The following ROPN1 variants were observed in gnomAD, a reference collection of about 807,000 sequenced individuals.
The protein encoded by ROPN1 is rhophilin associated tail protein 1.
A neutral mutation model predicts 20.5 loss-of-function variants in ROPN1; 14 were observed. That is an observed-to-expected ratio of 0.68 (90% CI 0.45 to 1.07). The LOEUF is 1.07. Among genes scored for constraint, ROPN1 ranks in the 50% least tolerant of loss-of-function variants. The probability of loss-of-function intolerance (pLI) is 0.00; values close to 1 mark genes in which losing one functional copy is unlikely to be tolerated. For missense variants in ROPN1, 169 were observed against 242.8 expected, an observed-to-expected ratio of 0.70 and a Z score of 2.02; for synonymous variants, 76 against 95.7, an observed-to-expected ratio of 0.79 and a Z score of 1.20.
intron 1 of ROPN1, among the ~76,000 whole-genome samples, chr3:123,990,088 C>A (rs2038368597): frequency 6.6e-6 from 1 of 152,162 alleles, no homozygotes; most frequent in South Asian, 2.1e-4. Context: ...CGTTGACTGA[C>A]AGCTGTGTGG....
intron 1 of ROPN1, 54 bp downstream of exon 1, chr3:123,991,868 C>T (rs1232452166): frequency 3.3e-5 from 5 of 150,104 alleles, no homozygotes; most frequent in East Asian, 2.0e-4. Context: ...ACCAGCGCAG[C>T]CCTCGGGGCG....
intron 2 of ROPN1, among the ~76,000 whole-genome samples, chr3:123,977,468 A>G (rs1223304010): frequency 6.6e-6 from 1 of 152,176 alleles, no homozygotes; most frequent in African/African-American, 2.4e-5. Flanking sequence ...TAAGCCCAGG[A>G]GTTTGAGGCT....
rs2148996296 is a variant in ROPN1, at chr3:123,980,373, C to T, written c.109G>A (p.Ala37Thr). 1 of 1,614,170 alleles carries T rather than the reference C, an allele frequency of 6.2e-7. No homozygotes were observed. Among genetic ancestry groups the T allele is most frequent in the South Asian group, 1.1e-5 (1 of 91,088 alleles). ...RVQPQDLIQW[A>T]ADYFEALSRG... ...CGAGAAAGGAGCACGTACTCGGCTG[C>T]CCACTGGATGAGGTCCTGCGGCTGC... The change falls in exon 2 of 6, where the codon GCA becomes ACA. Residue 37 changes from alanine to threonine, a missense_variant. Physicochemically the swap from Ala to Thr is moderately conservative, Grantham distance 58 (BLOSUM62 0). This residue lies in a region of ROPN1 where 84 missense variants were observed against 99.3 expected (regional missense o/e 0.85). Transcript: ENST00000405845.
intron 1 of ROPN1, among the ~76,000 whole-genome samples, chr3:123,986,337 A>G (rs868277008): frequency 6.6e-5 from 10 of 152,150 alleles, no homozygotes; most frequent in Non-Finnish European, 1.3e-4. Context: ...AATGGTTTCC[A>G]AAGTCCTCAG....
At chr3:123,981,455 G>A (rs998493119) in intron 1 of ROPN1, 8 of 153,678 alleles carry the variant, frequency 5.2e-5, no homozygotes, top group African/African-American at 1.7e-4. Context: ...CCAAGGATTA[G>A]GCTCACAAAA....
chr3:123,978,896 A>C (rs1238627444), intron 2 of ROPN1: 1 of 155,568 alleles, frequency 6.4e-6, no homozygotes, highest in African/African-American at 2.4e-5. Context: ...CAAGCAGTCT[A>C]CAATAGTGGA....
At chr3:123,985,992 CAAAAAAAAAA>C (rs35677015) in intron 1 of ROPN1, among the ~76,000 whole-genome samples, 1 of 22,126 alleles carries the variant, frequency 4.5e-5, no homozygotes, top group African/African-American at 9.1e-5. Flanking sequence ...GACCTTGTCT[CAAAAAAAAAA>C]AAAAAAAAAA....
At position 123,980,319 on chromosome 3, in the gene ROPN1, G is replaced by C. The variant is rs775861046; in HGVS notation, c.116+47C>G. The C allele has an allele frequency of 1.2e-5, 19 of 1,595,516 alleles. No individual in the cohort carries two copies. In the Middle Eastern group the frequency reaches 5.0e-4, roughly 42 times the overall value. On this transcript the variant is annotated intron_variant, in intron 2 of 5. Transcript: ENST00000405845. ...CCTCCGCGGTTTTACAGGACCCTCT[G>C]TCTCCGGCCGTCCTCCAAGGGGTGA...
rs2038038643 is a variant in ROPN1 at position 123,976,993 on chromosome 3, A to T, written c.117-12T>A. 1.1e-5 allele frequency: 18 copies of T among 1,607,258 alleles called. No homozygotes were observed. Among genetic ancestry groups the T allele is most frequent in the Admixed American group, 5.1e-5 (3 of 58,776 alleles). On this transcript the variant is annotated splice_polypyrimidine_tract_variant and intron_variant, in intron 2 of 5. Coordinates refer to ENST00000405845, the MANE Select transcript of ROPN1 (RefSeq NM_001317774.2). ...GGGCCTCAAAATAACTACAAGAAAA[A>T]AAGTCAGAGAGTAGGAGGATCCTAT...
In ROPN1 at chr3:123,969,175, G is replaced by A. The variant is rs372440685; in HGVS notation, c.619C>T (p.Pro207Ser). 1.0e-4 allele frequency: 165 copies of A among 1,613,968 alleles called. No individual in the cohort carries two copies. In the Middle Eastern group the frequency reaches 2.0e-3, roughly 19 times the overall value. Residue 207 changes from proline (P) to serine (S), a missense_variant, in exon 6 of 6, where the codon CCC becomes TCC. Physicochemically the swap from Pro to Ser is moderately conservative, Grantham distance 74. Around this residue, in one of 3 missense-constraint regions of ROPN1, gnomAD observed 82 missense variants for 100.1 expected, o/e 0.82. Transcript: ENST00000405845. The part of the protein sequence containing the change: ...IITVNDFTQN[P>S]RVQLE ...TGCTTTTACTCCAGCTGAACCCTGG[G>A]GTTTTGGGTAAAGTCATTCACTGTG...
At chr3:123,973,294 T>C (rs145103592) in intron 4 of ROPN1, among the ~76,000 whole-genome samples, 111 of 152,248 alleles carry the variant, frequency 7.3e-4, no homozygotes, top group African/African-American at 2.3e-3. Context: ...AGATTTAACC[T>C]CCAGGCTGAC....
rs184315106 is a variant in ROPN1 at position 123,970,108 on chromosome 3, G to A, written c.506C>T (p.Ala169Val). The A allele has an allele frequency of 5.1e-5, 82 of 1,614,114 alleles. No homozygotes were observed. The East Asian group carries it at 1.8e-3, about 35-fold the overall frequency. ...STFQFLYTYIAKVDGEISASH... is the reference protein window; with the variant it reads ...STFQFLYTYIVKVDGEISASH... Reference sequence around the variant, plus strand: ...TGCAGAGATCTCCCCATCCACTTTGGCAATATACGTGTAGAGAAACTGGAA... The same window carrying A: ...TGCAGAGATCTCCCCATCCACTTTGACAATATACGTGTAGAGAAACTGGAA... The change falls in exon 5 of 6, where the codon GCC becomes GTC. Residue 169 changes from alanine to valine, a missense_variant. Ala to Val is a moderately conservative substitution (Grantham distance 64). Coordinates refer to ENST00000405845, the MANE Select transcript of ROPN1 (RefSeq NM_001317774.2).
chr3:123,980,511 A>G lies in ROPN1; in HGVS notation c.-12-18T>C. On this transcript the variant is annotated intron_variant, in intron 1 of 5. Coordinates refer to ENST00000405845, the MANE Select transcript of ROPN1 (RefSeq NM_001317774.2). ...TGGTTGGCCTATTCTCAGGAGAAAA[A>G]AATACGTTAAGATGAAAACTTCGAT... The G allele has an allele frequency of 1.9e-6, 3 of 1,608,802 alleles. No homozygotes were observed. The highest frequency in any genetic ancestry group is 2.6e-6 in the Non-Finnish European group (3 of 1,175,852).
Position 123,969,157 on chromosome 3 carries a change from A to G in ROPN1, c.637T>C (p.Ter213GlnextTer19). ...FTQNPRVQLE[*>Q] ...TTAAAATTGCCAAAATTGTGCTTTTACTCCAGCTGAACCCTGGGGTTTTGG... is the reference window on the plus strand; with the variant it reads ...TTAAAATTGCCAAAATTGTGCTTTTGCTCCAGCTGAACCCTGGGGTTTTGG... Residue 213 changes from the stop codon to glutamine, a stop_lost, in exon 6 of 6, where the codon TAA becomes CAA. Coordinates refer to ENST00000405845, the MANE Select transcript of ROPN1 (RefSeq NM_001317774.2). 1.2e-6 allele frequency: 2 copies of G among 1,613,476 alleles called. No homozygotes were observed. Among genetic ancestry groups the G allele is most frequent in the Non-Finnish European group, 8.5e-7 (1 of 1,179,442 alleles).
chr3:123,987,145 C>A (rs1284254863), intron 1 of ROPN1, among the ~76,000 whole-genome samples: 4 of 152,236 alleles, frequency 2.6e-5, no homozygotes, highest in African/African-American at 9.6e-5. Context: ...TGGCTTGCTG[C>A]CCTACTTCTC....
Position 123,969,171 on chromosome 3 carries a change from C to T in ROPN1, c.623G>A (p.Arg208Lys), listed in dbSNP as rs1176362630. Residue 208 changes from arginine to lysine, a missense_variant, in exon 6 of 6, where the codon AGG (arginine) becomes AAG (lysine). By Grantham distance (26) the Arg-to-Lys change is conservative (BLOSUM62 2). Transcript: ENST00000405845. ...ITVNDFTQNP[R>K]VQLE Reference sequence around the variant, plus strand: ...ATTGTGCTTTTACTCCAGCTGAACCCTGGGGTTTTGGGTAAAGTCATTCAC... The same window carrying T: ...ATTGTGCTTTTACTCCAGCTGAACCTTGGGGTTTTGGGTAAAGTCATTCAC... The T allele has an allele frequency of 1.9e-6, 3 of 1,613,994 alleles. No homozygotes were observed. The highest frequency in any genetic ancestry group is 2.5e-6 in the Non-Finnish European group (3 of 1,179,908).
At chr3:123,987,264 T>C (rs930246771) in intron 1 of ROPN1, among the ~76,000 whole-genome samples, 1 of 152,238 alleles carries the variant, frequency 6.6e-6, no homozygotes, top group African/African-American at 2.4e-5. Context: ...CTAGTTCAAC[T>C]CACTCGTTCC....
intron 1 of ROPN1, among the ~76,000 whole-genome samples, chr3:123,983,618 C>A (rs2038194982): frequency 6.6e-6 from 1 of 152,190 alleles, no homozygotes; most frequent in African/African-American, 2.4e-5. Context: ...CAAGGAATCT[C>A]TTGTAAGTTT....
intron 1 of ROPN1, among the ~76,000 whole-genome samples, chr3:123,984,431 T>G (rs2038209532): frequency 6.6e-6 from 1 of 152,206 alleles, no homozygotes; most frequent in African/African-American, 2.4e-5. Flanking sequence ...TAAATCCCAC[T>G]ATTTCCTTTG....
Sources: allele counts gnomAD v4.1 joint callset (sites outside exome capture counted in the v4.1 genomes callset), GRCh38; gene constraint gnomAD v4.1.1; regional missense constraint gnomAD v4.1.1; transcripts MANE v1.5; gene names NCBI Gene and HGNC (gene_info 2026-07-23, HGNC 2026-07-21).